Variants in ZNF320 observed in about 807,000 individuals in gnomAD.
ZNF320 encodes zinc finger gene 320.
ZNF320 carries 2 observed loss-of-function variants against 6.8 expected under a neutral mutation model. That is an observed-to-expected ratio of 0.29 (90% CI 0.12 to 0.93). The LOEUF is 0.93. ZNF320 is among the 40% of genes least tolerant of loss of function. The pLI is 0.55. For missense variants in ZNF320, 472 were observed against 611.0 expected (o/e 0.77, Z 2.40); for synonymous variants, 208 against 203.2 (o/e 1.02, Z -0.20).
exon 6 of ZNF320, chr19:52,862,208 T>C: frequency 2.0e-6 from 1 of 500,586 alleles, no homozygotes; most frequent in East Asian, 5.5e-5. Flanking sequence ...GATTGCCTGA[T>C]GGATGGTGAG....
chr19:52,882,733 A>G (rs368404447), intron 5 of ZNF320, among the ~76,000 whole-genome samples: 2 of 152,272 alleles, frequency 1.3e-5, no homozygotes, highest in African/African-American at 4.8e-5. Flanking sequence ...GCCTCAGGTT[A>G]GGAGTTTGAC....
At chr19:52,892,189 A>C (rs1568728383) in intron 2 of ZNF320, 1 of 151,000 alleles carries the variant, frequency 6.6e-6, no homozygotes, top group African/African-American at 2.4e-5. Context: ...ATATGGAGAA[A>C]CCCCCGTCTC....
downstream of ZNF320, among the ~76,000 whole-genome samples, chr19:52,874,700 G>A (rs2063735008): frequency 6.6e-6 from 1 of 152,158 alleles, no homozygotes; most frequent in African/African-American, 2.4e-5. Context: ...CACAGAACAG[G>A]CAACATGGAT....
chr19:52,890,446 T>C (rs1225434165), intron 3 of ZNF320, 118 bp from the exon 4 acceptor site: 7 of 832,832 alleles, frequency 8.4e-6, no homozygotes, highest in Non-Finnish European at 8.9e-6. Context: ...TGCTGCCCAC[T>C]GCCCCAGGGA....
chr19:52,900,531 CAT>C (rs2064567954), upstream of ZNF320, among the ~76,000 whole-genome samples: 1 of 152,124 alleles, frequency 6.6e-6, no homozygotes, highest in South Asian at 2.1e-4. Context: ...GACTGGGCCT[CAT>C]GTTAGGCTAA....
intron 3 of ZNF320, 109 bp from the exon 4 acceptor site, chr19:52,890,437 G>T: frequency 3.4e-6 from 3 of 884,830 alleles, no homozygotes; most frequent in Non-Finnish European, 5.0e-6. Context: ...GGTCCCCTCT[G>T]CTGCCCACTG....
rs1433604987 is a variant in ZNF320 at position 52,891,297 on chromosome 19, G to A, written c.-142C>T. 3 of 152,052 alleles carry A rather than the reference G, an allele frequency of 2.0e-5. No homozygotes were observed. Among genetic ancestry groups the A allele is most frequent in the Non-Finnish European group, 4.4e-5 (3 of 68,042 alleles). The allele number at this position is 152,052 out of a possible 1,614,324, so 9.4% of individuals were successfully genotyped here. A position where few individuals can be genotyped will look rare whatever the true frequency, so the allele number is the denominator to read the frequency against. On this transcript the variant is annotated 5_prime_UTR_variant, in exon 3 of 6. Coordinates refer to ENST00000682928, the MANE Select transcript of ZNF320 (RefSeq NM_001351774.2). ...GAACCCAGGAGACAGAGGTTGCAGTGAGCCAAGATCAGGAGACTGCACTCA... is the reference window on the plus strand; with the variant it reads ...GAACCCAGGAGACAGAGGTTGCAGTAAGCCAAGATCAGGAGACTGCACTCA...
At chr19:52,898,927 C>G (rs952256580), upstream of ZNF320, among the ~76,000 whole-genome samples, 8 of 152,222 alleles carry the variant, frequency 5.3e-5, no homozygotes, top group African/African-American at 1.9e-4. Context: ...TTTGGTTTTA[C>G]TTTCTTGTTG....
rs541740315 is a variant in ZNF320, at chr19:52,870,954, G to A, written c.223+3038C>T. 2.6e-4 allele frequency among the ~76,000 whole-genome samples: 40 copies of A among 151,904 alleles called. No homozygotes were observed. In the South Asian group the frequency reaches 2.7e-3, roughly 10 times the overall value. ...AAGGTCAGGATTTCCCGACCAGCCT[G>A]ACCAATATGGTGAAATCCCATCTCT... On this transcript the variant is annotated intron_variant, in intron 5 of 5. Coordinates refer to the ZNF320 transcript ENST00000673631.
In ZNF320 at chr19:52,876,832, C is replaced by G. The variant is rs2063781000; in HGVS notation, c.*3764G>C. 1 of 150,912 alleles carries G rather than the reference C, an allele frequency of 6.6e-6. No individual in the cohort carries two copies. The allele number at this position is 150,912 out of a possible 1,614,324, so 9.3% of individuals were successfully genotyped here. A position where few individuals can be genotyped will look rare whatever the true frequency, so the allele number is the denominator to read the frequency against. ...TTTTTAAATTAAGAAACACGTTGGTCATGGTGGCTCATGGCTGTAATCCCA... is the reference window on the plus strand; with the variant it reads ...TTTTTAAATTAAGAAACACGTTGGTGATGGTGGCTCATGGCTGTAATCCCA... On this transcript the variant is annotated 3_prime_UTR_variant, in exon 6 of 6. Coordinates refer to ENST00000682928, the MANE Select transcript of ZNF320 (RefSeq NM_001351774.2).
At chr19:52,865,813 G>A (rs1247090255) in intron 5 of ZNF320, among the ~76,000 whole-genome samples, 1 of 109,738 alleles carries the variant, frequency 9.1e-6, no homozygotes, top group Non-Finnish European at 1.7e-5. Context: ...TTATATATAT[G>A]ATTATACACA....
At chr19:52,864,485 A>G (rs554608433) in intron 5 of ZNF320, among the ~76,000 whole-genome samples, 6 of 152,316 alleles carry the variant, frequency 3.9e-5, no homozygotes, top group African/African-American at 1.4e-4. Context: ...CAGAGATGAC[A>G]AAGTCCAGTG....
At chr19:52,887,742 A>G (rs1308005240) in intron 5 of ZNF320, among the ~76,000 whole-genome samples, 1 of 152,030 alleles carries the variant, frequency 6.6e-6, no homozygotes, top group Non-Finnish European at 1.5e-5. Context: ...GTGCACCATG[A>G]CGTCCGGCTA....
At chr19:52,896,560 T>G (rs913817236) in intron 1 of ZNF320, among the ~76,000 whole-genome samples, 7 of 151,998 alleles carry the variant, frequency 4.6e-5, no homozygotes, top group Admixed American at 4.6e-4. Flanking sequence ...TACACAAAAA[T>G]TAGCGCGGTG....
chr19:52,860,530 C>T (rs1385172108), downstream of ZNF320, among the ~76,000 whole-genome samples: 2 of 140,456 alleles, frequency 1.4e-5, no homozygotes, highest in Admixed American at 1.5e-4. Flanking sequence ...ACTTGGGAGG[C>T]GGGGGTTGCA....
chr19:52,876,475 C>T lies in ZNF320; in HGVS notation c.*4121G>A, dbSNP rs1470366130. 1 of 152,096 alleles carries T rather than the reference C, an allele frequency of 6.6e-6. No individual in the cohort carries two copies. Among genetic ancestry groups the T allele is most frequent in the Non-Finnish European group, 1.5e-5 (1 of 68,024 alleles). 9.4% of individuals were successfully genotyped at this position (152,096 alleles called of 1,614,324 possible). On this transcript the variant is annotated 3_prime_UTR_variant, in exon 6 of 6. Transcript: ENST00000682928. ...GTTACCTCGTAAGATTATACCAAAGCTTTCATGAGAAGCAGTTTTTTATAT... is the reference window on the plus strand; with the variant it reads ...GTTACCTCGTAAGATTATACCAAAGTTTTCATGAGAAGCAGTTTTTTATAT...
upstream of ZNF320, among the ~76,000 whole-genome samples, chr19:52,900,158 G>A (rs996462947): frequency 2.0e-5 from 3 of 152,170 alleles, no homozygotes; most frequent in Admixed American, 6.5e-5. Context: ...GGTGGGGGCC[G>A]TCTAGTCCTG....
intron 2 of ZNF320, 174 bp downstream of exon 2, chr19:52,893,605 C>G (rs1328380751): frequency 1.3e-5 from 2 of 152,122 alleles, no homozygotes; most frequent in African/African-American, 2.4e-5. Context: ...TGAGATGGCA[C>G]CAGTGCACTC....
chr19:52,891,724 C>A (rs1028394625), intron 2 of ZNF320, among the ~76,000 whole-genome samples: 5 of 152,144 alleles, frequency 3.3e-5, no homozygotes, highest in Non-Finnish European at 7.4e-5. Context: ...CTGGGGAACA[C>A]GGGAAGCTGG....
Sources: gnomAD v4.1 joint callset for allele counts (sites outside exome capture counted in the v4.1 genomes callset) on GRCh38, gnomAD v4.1.1 for gene constraint, MANE v1.5 for transcripts, NCBI Gene and HGNC (gene_info 2026-07-23, HGNC 2026-07-21) for gene names.